The following LINGO2 variants were observed in gnomAD, a reference collection of about 807,000 sequenced individuals.
LINGO2 encodes leucine-rich repeat and immunoglobulin-like domain-containing nogo receptor-interacting protein 2.
LINGO2 carries 14 observed loss-of-function variants against 30.6 expected under a neutral mutation model. The ratio of observed to expected loss-of-function variants is 0.46; its 90% confidence interval spans 0.30 to 0.72. The LOEUF is 0.72. LINGO2 is among the 30% of genes least tolerant of loss of function. LINGO2 has a pLI of 0.07. For synonymous variants in LINGO2, 317 were observed against 288.5 expected, an observed-to-expected ratio of 1.10 and a Z score of -1.00; for missense variants, 729 against 751.7, an observed-to-expected ratio of 0.97 and a Z score of 0.35.
At chr9:28,322,747 A>G (rs1298899982) in intron 3 of LINGO2, among the ~76,000 whole-genome samples, 1 of 152,128 alleles carries the variant, frequency 6.6e-6, no homozygotes, top group Non-Finnish European at 1.5e-5. Flanking sequence ...AGCAGAATAT[A>G]TTTTCTCTCT....
the LINGO2 span, among the ~76,000 whole-genome samples, chr9:28,879,198 CCAAA>C: frequency 3.3e-5 from 5 of 151,948 alleles, no homozygotes; most frequent in African/African-American, 7.3e-5. Context: ...CCAATAACAG[CCAAA>C]CAGAGACCCA....
chr9:29,055,586 T>C, the LINGO2 span, among the ~76,000 whole-genome samples: 1 of 152,084 alleles, frequency 6.6e-6, no homozygotes, highest in East Asian at 1.9e-4. Context: ...TTTGAATAGG[T>C]TTTGGGGGAA....
the LINGO2 span, among the ~76,000 whole-genome samples, chr9:29,185,555 T>A: frequency 6.6e-6 from 1 of 152,122 alleles, no homozygotes; most frequent in Admixed American, 6.5e-5. Context: ...CAGCTAACCT[T>A]CATAAAAAGA....
the LINGO2 span, among the ~76,000 whole-genome samples, chr9:28,832,200 C>A: frequency 2.0e-5 from 3 of 152,208 alleles, no homozygotes; most frequent in South Asian, 6.2e-4. Flanking sequence ...TTGGAGTTGG[C>A]AAGATGTTAA....
chr9:27,995,169 A>C (rs1821596681), intron 5 of LINGO2, among the ~76,000 whole-genome samples: 1 of 152,108 alleles, frequency 6.6e-6, no homozygotes, highest in African/African-American at 2.4e-5. Flanking sequence ...AAACACATGC[A>C]CCCTACCAAG....
intron 4 of LINGO2, among the ~76,000 whole-genome samples, chr9:28,165,802 A>G (rs914116327): frequency 1.3e-5 from 2 of 152,348 alleles, no homozygotes; most frequent in Admixed American, 1.3e-4. Flanking sequence ...AGATTAGAAT[A>G]TCGATCACTA....
intron 4 of LINGO2, among the ~76,000 whole-genome samples, chr9:28,184,411 T>G (rs2133728806): frequency 6.6e-6 from 1 of 152,316 alleles, no homozygotes; most frequent in East Asian, 1.9e-4. Context: ...TGCTACCTTT[T>G]GTACCATTAT....
the LINGO2 span, among the ~76,000 whole-genome samples, chr9:29,138,262 C>G: frequency 6.6e-6 from 1 of 152,058 alleles, no homozygotes; most frequent in African/African-American, 2.4e-5. Context: ...CTAAATTACA[C>G]AATTACTTTG....
intron 4 of LINGO2, among the ~76,000 whole-genome samples, chr9:28,125,676 C>A (rs1827216722): frequency 6.6e-6 from 1 of 152,022 alleles, no homozygotes; most frequent in Non-Finnish European, 1.5e-5. Context: ...GACCAGAACT[C>A]AGGGGAAATA....
At chr9:28,710,899 T>C in the LINGO2 span, among the ~76,000 whole-genome samples, 431 of 152,220 alleles carry the variant, frequency 2.8e-3, 3 homozygotes, top group African/African-American at 9.9e-3. Flanking sequence ...GGGTATGTAA[T>C]TGACATGTAA....
At chr9:28,997,603 CACG>C in the LINGO2 span, among the ~76,000 whole-genome samples, 1 of 152,144 alleles carries the variant, frequency 6.6e-6, no homozygotes, top group Non-Finnish European at 1.5e-5. Context: ...GCTGGCGGAT[CACG>C]AGGTCAGGAG....
intron 4 of LINGO2, among the ~76,000 whole-genome samples, chr9:28,015,683 AAGTT>A (rs1281847260): frequency 2.0e-5 from 3 of 152,150 alleles, no homozygotes; most frequent in African/African-American, 7.2e-5. Flanking sequence ...TTTTAATAAA[AAGTT>A]AGAATGTACA....
chr9:28,876,802 T>G, the LINGO2 span, among the ~76,000 whole-genome samples: 1 of 152,122 alleles, frequency 6.6e-6, no homozygotes, highest in Admixed American at 6.6e-5. Context: ...TAATTCTAGT[T>G]CTAGATCCCT....
chr9:29,192,987 G>T, the LINGO2 span, among the ~76,000 whole-genome samples: 1 of 152,132 alleles, frequency 6.6e-6, no homozygotes, highest in Non-Finnish European at 1.5e-5. Flanking sequence ...TGTGCCCAGG[G>T]ATGCTCACTT....
chr9:29,032,969 T>C, the LINGO2 span, among the ~76,000 whole-genome samples: 1 of 152,156 alleles, frequency 6.6e-6, no homozygotes, highest in Non-Finnish European at 1.5e-5. Flanking sequence ...TGAGGACTAG[T>C]GGAATGAATT....
chr9:28,081,843 A>T (rs1825782532), intron 4 of LINGO2, among the ~76,000 whole-genome samples: 1 of 152,110 alleles, frequency 6.6e-6, no homozygotes, highest in East Asian at 1.9e-4. Context: ...TTTTTTCTAA[A>T]GTAAATGGCC....
chr9:28,232,053 T>C (rs935171715), intron 4 of LINGO2, among the ~76,000 whole-genome samples: 1 of 152,070 alleles, frequency 6.6e-6, no homozygotes, highest in Non-Finnish European at 1.5e-5. Flanking sequence ...TCTCTAAAAC[T>C]ATGTCTCTTA....
chr9:28,686,344 C>T, the LINGO2 span, among the ~76,000 whole-genome samples: 1 of 151,922 alleles, frequency 6.6e-6, no homozygotes, highest in African/African-American at 2.4e-5. Flanking sequence ...TGGTACTGTA[C>T]ATATTATTGA....
intron 4 of LINGO2, among the ~76,000 whole-genome samples, chr9:28,069,739 T>C (rs941334171): frequency 6.6e-6 from 1 of 152,180 alleles, no homozygotes; most frequent in African/African-American, 2.4e-5. Context: ...GCGAGCCTGA[T>C]GTTGAGTTCA....
Sources: gnomAD v4.1 joint callset for allele counts (sites outside exome capture counted in the v4.1 genomes callset) on GRCh38, gnomAD v4.1.1 for gene constraint, MANE v1.5 for transcripts, NCBI Gene and HGNC (gene_info 2026-07-23, HGNC 2026-07-21) for gene names.